The following CCDC73 variants were observed in gnomAD, a reference collection of about 807,000 sequenced individuals.
CCDC73 encodes coiled-coil domain containing 73.
In CCDC73, 95 loss-of-function variants were observed where a neutral mutation model predicts 116.5. The observed-to-expected ratio is 0.82, with a 90% CI of 0.69 to 0.97. CCDC73 has a LOEUF of 0.97. CCDC73 is among the 50% of genes least tolerant of loss of function. CCDC73 has a pLI of 0.00. For missense variants in CCDC73, 1,066 were observed against 1,206.8 expected (o/e 0.88, Z 1.73); for synonymous variants, 398 against 401.3 (o/e 0.99, Z 0.10).
chr11:32,685,912 G>A (rs1037720574), intron 6 of CCDC73, among the ~76,000 whole-genome samples: 1 of 151,606 alleles, frequency 6.6e-6, no homozygotes, highest in Non-Finnish European at 1.5e-5. Context: ...AGTAGAGACA[G>A]GGTTTCACCA....
intron 1 of CCDC73, among the ~76,000 whole-genome samples, chr11:32,764,642 C>A (rs534889210): frequency 2.6e-5 from 4 of 152,190 alleles, no homozygotes; most frequent in Non-Finnish European, 4.4e-5. Context: ...ACAACCAGTA[C>A]CAGCCACTGC....
At chr11:32,636,159 C>T (rs1855675584) in intron 13 of CCDC73, among the ~76,000 whole-genome samples, 1 of 151,876 alleles carries the variant, frequency 6.6e-6, no homozygotes, top group South Asian at 2.1e-4. Flanking sequence ...ATCTGAGGAC[C>T]GTGTCCTTAA....
intron 1 of CCDC73, among the ~76,000 whole-genome samples, chr11:32,773,619 A>AACAC (rs150048304): frequency 3.3e-5 from 5 of 150,492 alleles, no homozygotes; most frequent in African/African-American, 1.2e-4. Flanking sequence ...CATCTTCACA[A>AACAC]ACACACACAC....
intron 2 of CCDC73, among the ~76,000 whole-genome samples, chr11:32,736,914 A>G (rs187583275): frequency 1.5e-3 from 233 of 150,444 alleles, no homozygotes; most frequent in African/African-American, 5.4e-3. Context: ...CATAAGGACA[A>G]AAAAGCAAAC....
At position 32,654,045 on chromosome 11, in the gene CCDC73, A is replaced by G; in HGVS notation, c.775-8T>C. Reference sequence around the variant, plus strand: ...CTCATTTAATTCCAATTCCTTTAAAATTTGAATAGTTTTAAAGTTATGATA... The same window carrying G: ...CTCATTTAATTCCAATTCCTTTAAAGTTTGAATAGTTTTAAAGTTATGATA... On this transcript the variant is annotated splice_polypyrimidine_tract_variant and splice_region_variant and intron_variant, in intron 10 of 17. Coordinates refer to ENST00000335185, the MANE Select transcript of CCDC73 (RefSeq NM_001008391.4). The G allele has an allele frequency of 1.3e-6, 2 of 1,583,976 alleles. No homozygotes were observed. The highest frequency in any genetic ancestry group is 1.8e-5 in the Admixed American group (1 of 56,956).
At chr11:32,667,652 G>C (rs1855998688) in intron 9 of CCDC73, among the ~76,000 whole-genome samples, 1 of 152,142 alleles carries the variant, frequency 6.6e-6, no homozygotes, top group Admixed American at 6.5e-5. Flanking sequence ...CACTCTTGGT[G>C]GGCTACACCC....
chr11:32,760,930 A>T lies in CCDC73; in HGVS notation c.-15-672T>A, dbSNP rs1049847626. On this transcript the variant is annotated intron_variant, in intron 1 of 17. Transcript: ENST00000335185. ...TGTGCATCTGACTTTGGTACAATCC[A>T]CGGAGCTTATTAGCACTTTACCAGT... 9.8e-5 allele frequency among the ~76,000 whole-genome samples: 15 copies of T among 152,310 alleles called. No individual in the cohort carries two copies. In the East Asian group the frequency reaches 2.9e-3, roughly 29 times the overall value.
At chr11:32,695,301 A>G (rs1476728643) in intron 6 of CCDC73, among the ~76,000 whole-genome samples, 2 of 151,724 alleles carry the variant, frequency 1.3e-5, no homozygotes, top group African/African-American at 4.8e-5. Flanking sequence ...CCCAGGAGGT[A>G]GAAGTTGCAA....
chr11:32,759,549 C>T (rs907009890), intron 2 of CCDC73, among the ~76,000 whole-genome samples: 4 of 152,094 alleles, frequency 2.6e-5, no homozygotes, highest in African/African-American at 9.7e-5. Context: ...CCAGGCTGGT[C>T]TCGAACTCCT....
chr11:32,679,795 A>T (rs1856127715), intron 7 of CCDC73: 1 of 152,250 alleles, frequency 6.6e-6, no homozygotes, highest in Non-Finnish European at 1.5e-5. Flanking sequence ...TGAATAAAAT[A>T]GGTAGTCAAT....
intron 14 of CCDC73, among the ~76,000 whole-genome samples, chr11:32,624,637 C>A (rs1323782924): frequency 1.3e-5 from 2 of 152,118 alleles, no homozygotes; most frequent in Non-Finnish European, 2.9e-5. Flanking sequence ...GGATCTAGAA[C>A]TAGAAATACC....
intron 16 of CCDC73, among the ~76,000 whole-genome samples, chr11:32,612,549 G>A (rs528695433): frequency 2.6e-5 from 4 of 151,760 alleles, no homozygotes; most frequent in South Asian, 2.1e-4. Context: ...CACCAGCCTC[G>A]GCAACAAAGT....
intron 2 of CCDC73, 143 bp downstream of exon 2, chr11:32,759,966 A>C (rs1850377096): frequency 3.0e-6 from 2 of 675,618 alleles, no homozygotes; most frequent in Admixed American, 5.8e-5. Context: ...AATCTGTCCT[A>C]TTCTCTTTTA....
At chr11:32,722,758 G>C (rs754329962) in intron 2 of CCDC73, among the ~76,000 whole-genome samples, 1 of 152,134 alleles carries the variant, frequency 6.6e-6, no homozygotes, top group Non-Finnish European at 1.5e-5. Flanking sequence ...CTCTTTCAGT[G>C]GTTAGAGTGG....
chr11:32,619,665 C>A (rs1217797768), intron 14 of CCDC73, among the ~76,000 whole-genome samples: 1 of 149,494 alleles, frequency 6.7e-6, no homozygotes, highest in Non-Finnish European at 1.5e-5. Context: ...AGAGGGAGAC[C>A]CTGTTGAAGA....
intron 6 of CCDC73, among the ~76,000 whole-genome samples, chr11:32,688,440 A>G (rs749755801): frequency 6.6e-6 from 1 of 152,202 alleles, no homozygotes; most frequent in Non-Finnish European, 1.5e-5. Context: ...GAGATTAAAG[A>G]GCTATGACAA....
At chr11:32,686,342 G>A (rs1422250266) in intron 6 of CCDC73, among the ~76,000 whole-genome samples, 1 of 150,410 alleles carries the variant, frequency 6.6e-6, no homozygotes, top group East Asian at 2.0e-4. Flanking sequence ...TCAAGTTTGA[G>A]GTGTCTTTTA....
intron 2 of CCDC73, among the ~76,000 whole-genome samples, chr11:32,749,998 G>C (rs1353188221): frequency 2.0e-5 from 3 of 151,366 alleles, no homozygotes; most frequent in African/African-American, 7.3e-5. Flanking sequence ...AGCCTCCCAA[G>C]TAGCTGGGAT....
chr11:32,673,454 C>T (rs1188514610), intron 9 of CCDC73, among the ~76,000 whole-genome samples: 2 of 151,896 alleles, frequency 1.3e-5, no homozygotes, highest in East Asian at 1.9e-4. Context: ...GGTATAAATG[C>T]TTCAATTTTT....
Sources: gnomAD v4.1 joint callset for allele counts (sites outside exome capture counted in the v4.1 genomes callset) on GRCh38, gnomAD v4.1.1 for gene constraint, MANE v1.5 for transcripts, NCBI Gene and HGNC (gene_info 2026-07-23, HGNC 2026-07-21) for gene names.